The following DENND3 variants were observed in gnomAD, a reference collection of about 807,000 sequenced individuals.
The protein encoded by DENND3 is DENN domain-containing protein 3.
Under a neutral mutation model 135.1 loss-of-function variants are expected in DENND3, and 88 were observed. That is an observed-to-expected ratio of 0.65 (90% CI 0.55 to 0.78). The LOEUF is 0.78. Ranked by LOEUF, DENND3 falls within the 30% of genes least tolerant of loss-of-function variation. DENND3 has a pLI of 0.00. For synonymous variants in DENND3, 693 were observed against 712.3 expected (o/e 0.97, Z 0.43); for missense variants, 1,392 against 1,688.4 (o/e 0.82, Z 3.08).
In DENND3 at chr8:141,175,526, G is replaced by A. The variant is rs576523724; in HGVS notation, c.2535+67G>A. The A allele has an allele frequency of 4.4e-5, 71 of 1,610,138 alleles. No individual in the cohort carries two copies. In the African/African-American group the frequency reaches 8.9e-4, roughly 20 times the overall value. ...TTTAGGAGACAGATGGCTGGAGTGG[G>A]CCCTGAGCAGTCTGCCAGCCATGCC... On this transcript the variant is annotated intron_variant, in intron 14 of 22. Transcript: ENST00000519811. This position sits in a 1 kb window ranked among gnomAD's most constrained non-coding sequence, Gnocchi z 5.4.
chr8:141,158,681 G>A (rs960063956), intron 8 of DENND3, among the ~76,000 whole-genome samples: 7 of 152,234 alleles, frequency 4.6e-5, no homozygotes, highest in African/African-American at 1.2e-4. Flanking sequence ...GCACGTGAGC[G>A]TGTGGCTGGG....
intron 1 of DENND3, among the ~76,000 whole-genome samples, chr8:141,132,990 C>T (rs955410201): frequency 2.6e-5 from 4 of 152,302 alleles, no homozygotes; most frequent in African/African-American, 4.8e-5. Flanking sequence ...TCTGCTCCAC[C>T]GCATCCCCTC....
Position 141,151,780 on chromosome 8 carries a change from G to A in DENND3, c.1017G>A (p.Met339Ile), listed in dbSNP as rs753251817. Residue 339 changes from methionine (M) to isoleucine (I), a missense_variant, in exon 7 of 23, where the codon ATG (methionine) becomes ATA (isoleucine). Met to Ile is a conservative substitution (Grantham distance 10). Coordinates refer to ENST00000519811, the MANE Select transcript of DENND3 (RefSeq NM_001352890.3). ...CGGACCAGATGCTGGATTTCGTCAT[G>A]GCCCCCACGTCCTTCCTGATGGGCT... The part of the protein sequence containing the change: ...ILSDQMLDFV[M>I]APTSFLMGCH... The A allele has an allele frequency of 6.2e-7, 1 of 1,614,210 alleles. No individual in the cohort carries two copies. The highest frequency in any genetic ancestry group is 8.5e-7 in the Non-Finnish European group (1 of 1,180,036).
chr8:141,129,092 G>A (rs962561055), intron 1 of DENND3, among the ~76,000 whole-genome samples: 2 of 152,212 alleles, frequency 1.3e-5, no homozygotes, highest in Non-Finnish European at 2.9e-5. Context: ...TTGGTCCGCC[G>A]GCCGGGAATC....
At chr8:141,190,163 C>T (rs2154613556) in intron 19 of DENND3, 121 bp from the exon 20 acceptor site, 2 of 1,292,736 alleles carry the variant, frequency 1.5e-6, no homozygotes, top group Non-Finnish European at 2.0e-6. Flanking sequence ...ATCATGTTTG[C>T]AGGTTATCCG....
chr8:141,178,043 G>C (rs755115684), intron 15 of DENND3, 24 bp from the exon 16 acceptor site: 3 of 1,586,226 alleles, frequency 1.9e-6, no homozygotes, highest in Non-Finnish European at 2.6e-6. Context: ...TTGCTGTTTT[G>C]AAACGCACGT....
At chr8:141,152,569 A>T (rs1818922444) in intron 7 of DENND3, among the ~76,000 whole-genome samples, 2 of 151,980 alleles carry the variant, frequency 1.3e-5, no homozygotes, top group African/African-American at 4.8e-5. Context: ...CTTTATTTTT[A>T]TTGCTGACTA....
At chr8:141,133,303 G>A (rs1243310729) in intron 1 of DENND3, among the ~76,000 whole-genome samples, 2 of 137,582 alleles carry the variant, frequency 1.5e-5, no homozygotes, top group African/African-American at 6.6e-5. Context: ...CTGCTGCTCA[G>A]GGGTGCACTG....
Position 141,168,495 on chromosome 8 carries a change from A to G in DENND3, c.2245A>G (p.Ile749Val). The change falls in exon 13 of 23, where the codon ATA (isoleucine) becomes GTA (valine). Residue 749 changes from isoleucine to valine, a missense_variant. Ile to Val is a conservative substitution (Grantham distance 29). Transcript: ENST00000519811. The surrounding 1 kb of genome is among the most constrained non-coding windows in gnomAD (Gnocchi z 6.2). ...ESGIVKDASIIHRLFEALTVG... is the reference protein window; with the variant it reads ...ESGIVKDASIVHRLFEALTVG... ...AGGGATCGTGAAGGACGCCAGCATC[A>G]TACACCGGCTGTTCGAGGCCTTGAC... 1.2e-6 allele frequency: 2 copies of G among 1,611,162 alleles called. No homozygotes were observed. Among genetic ancestry groups the G allele is most frequent in the Non-Finnish European group, 1.7e-6 (2 of 1,178,108 alleles).
chr8:141,183,084 G>C (rs1044976500), intron 17 of DENND3, among the ~76,000 whole-genome samples: 1 of 152,188 alleles, frequency 6.6e-6, no homozygotes. Context: ...AAACCTCAAC[G>C]CGGTGGTAAA....
At position 141,141,470 on chromosome 8, in the gene DENND3, C is replaced by G; in HGVS notation, c.623+146C>G. On this transcript the variant is annotated intron_variant, in intron 4 of 22. Coordinates refer to ENST00000519811, the MANE Select transcript of DENND3 (RefSeq NM_001352890.3). This position sits in a 1 kb window ranked among gnomAD's most constrained non-coding sequence, Gnocchi z 5.3. ...GAGCCGGGGGACCGGGCGCTGGGGG[C>G]AGTAGGAGGGGCAGTTCTCTGTGCC... The G allele has an allele frequency of 2.2e-6, 2 of 919,660 alleles. No individual in the cohort carries two copies. Among genetic ancestry groups the G allele is most frequent in the South Asian group, 1.8e-5 (1 of 56,950 alleles). 57.0% of individuals were successfully genotyped at this position (919,660 alleles called of 1,614,324 possible).
At chr8:141,186,666 T>C (rs1313483870) in intron 18 of DENND3, among the ~76,000 whole-genome samples, 1 of 147,424 alleles carries the variant, frequency 6.8e-6, no homozygotes, top group Non-Finnish European at 1.5e-5. Flanking sequence ...GAATTGTTTC[T>C]GATAATTTTA....
chr8:141,151,638 C>T lies in DENND3; in HGVS notation c.875C>T (p.Thr292Met), dbSNP rs368117361. ...KVLQILTCIL[T>M]EQRIVFFSSD... Reference sequence around the variant, plus strand: ...CCTCAGATCCTGACATGCATCCTGACGGAACAGCGGATCGTCTTCTTCTCC... The same window carrying T: ...CCTCAGATCCTGACATGCATCCTGATGGAACAGCGGATCGTCTTCTTCTCC... Residue 292 changes from threonine (T) to methionine (M), a missense_variant, in exon 7 of 23, where the codon ACG (threonine) becomes ATG (methionine). Physicochemically the swap from Thr to Met is moderately conservative, Grantham distance 81. Coordinates refer to ENST00000519811, the MANE Select transcript of DENND3 (RefSeq NM_001352890.3). 52 of 1,613,848 alleles carry T rather than the reference C, an allele frequency of 3.2e-5. No homozygotes were observed. Among genetic ancestry groups the T allele is most frequent in the Middle Eastern group, 1.6e-4 (1 of 6,082 alleles).
At chr8:141,145,838 TATATA>T (rs1818031436) in intron 5 of DENND3, among the ~76,000 whole-genome samples, 1 of 82,256 alleles carries the variant, frequency 1.2e-5, no homozygotes, top group African/African-American at 9.1e-5. Flanking sequence ...TATATATATA[TATATA>T]TATATATGTA....
At chr8:141,132,369 T>G (rs1462443385) in intron 1 of DENND3, among the ~76,000 whole-genome samples, 1 of 152,118 alleles carries the variant, frequency 6.6e-6, no homozygotes, top group Non-Finnish European at 1.5e-5. Flanking sequence ...TTATTTTTTT[T>G]TGTGGGGGAT....
rs538019998 is a variant in DENND3, at chr8:141,178,210, G to A, written c.2836+14G>A. The stretch of plus-strand genomic sequence containing the variant: ...TGAGTAACGAAAGTAAGATAAGCCC[G>A]TTCTTAGCGTGGATCATTGTCCTGA... On this transcript the variant is annotated intron_variant, in intron 16 of 22. Coordinates refer to ENST00000519811, the MANE Select transcript of DENND3 (RefSeq NM_001352890.3). 6.0e-5 allele frequency: 97 copies of A among 1,603,608 alleles called. No individual in the cohort carries two copies. Among genetic ancestry groups the A allele is most frequent in the Middle Eastern group, 1.7e-4 (1 of 6,026 alleles).
Position 141,136,686 on chromosome 8 carries a change from G to A in DENND3, c.280G>A (p.Glu94Lys). The A allele has an allele frequency of 6.2e-7, 1 of 1,613,322 alleles. No homozygotes were observed. The highest frequency in any genetic ancestry group is 2.2e-5 in the East Asian group (1 of 44,864). Reference protein sequence around the residue: ...LRKKREKPRPEQWKGLPGPPR... With the variant: ...LRKKREKPRPKQWKGLPGPPR... ...AAAGAAGAGAGAGAAGCCCAGACCA[G>A]AGCAGTGGAAGGGCCTCCCGGGGCC... The change falls in exon 2 of 23, where the codon GAG becomes AAG. Residue 94 changes from glutamate to lysine, a missense_variant. By Grantham distance (56) the Glu-to-Lys change is moderately conservative. Coordinates refer to ENST00000519811, the MANE Select transcript of DENND3 (RefSeq NM_001352890.3).
intron 1 of DENND3, among the ~76,000 whole-genome samples, chr8:141,133,989 C>T (rs1203084394): frequency 6.6e-6 from 1 of 151,940 alleles, no homozygotes; most frequent in Admixed American, 6.6e-5. Context: ...AGGACCCAGG[C>T]CTGGGAGTCG....
intron 4 of DENND3, chr8:141,142,325 GT>G (rs1481708634): frequency 2.2e-6 from 1 of 454,984 alleles, no homozygotes; most frequent in Admixed American, 2.4e-5. Flanking sequence ...GTTAACAACA[GT>G]TCCCTTTTGT....
Sources: allele counts gnomAD v4.1 joint callset (sites outside exome capture counted in the v4.1 genomes callset), GRCh38; gene constraint gnomAD v4.1.1; non-coding constraint Gnocchi (gnomAD v3.1); transcripts MANE v1.5; gene names NCBI Gene and HGNC (gene_info 2026-07-23, HGNC 2026-07-21).